THSD7A: variants seen among roughly 807,000 people sequenced by gnomAD.
THSD7A encodes thrombospondin type 1 domain containing 7A, also known as thrombospondin type-1 domain-containing protein 7A.
Under a neutral mutation model 231.3 loss-of-function variants are expected in THSD7A, and 96 were observed. That is an observed-to-expected ratio of 0.41 (90% confidence interval 0.35 to 0.49). The LOEUF (loss-of-function observed/expected upper bound fraction) is 0.49. THSD7A is among the 20% of genes least tolerant of loss of function. The probability of loss-of-function intolerance (pLI) is 0.05; values close to 1 mark genes in which losing one functional copy is unlikely to be tolerated. For synonymous variants in THSD7A, 940 were observed against 743.3 expected (o/e 1.26, Z -4.30); for missense variants, 2,290 against 2,070.2 (o/e 1.11, Z -2.06).
intron 9 of THSD7A, among the ~76,000 whole-genome samples, chr7:11,465,803 T>A (rs149367775): frequency 6.6e-6 from 1 of 152,290 alleles, no homozygotes; most frequent in African/African-American, 2.4e-5. Context: ...CAAACAGAAT[T>A]TGAGCAACCA....
chr7:11,527,580 A>G (rs942286290), intron 6 of THSD7A, among the ~76,000 whole-genome samples: 4 of 152,190 alleles, frequency 2.6e-5, no homozygotes, highest in Non-Finnish European at 5.9e-5. Context: ...GAAATCTTCC[A>G]TAGACAATTA....
chr7:11,639,188 T>G (rs2128362280), intron 1 of THSD7A, among the ~76,000 whole-genome samples: 1 of 152,314 alleles, frequency 6.6e-6, no homozygotes, highest in African/African-American at 2.4e-5. Flanking sequence ...GTAATTTAGT[T>G]GAACTTCCTG....
intron 4 of THSD7A, among the ~76,000 whole-genome samples, chr7:11,554,975 G>C (rs1789785682): frequency 6.6e-6 from 1 of 151,820 alleles, no homozygotes; most frequent in Non-Finnish European, 1.5e-5. Flanking sequence ...CCTGGTGTTG[G>C]TGATTTGTGT....
At chr7:11,621,583 G>A (rs1190549203) in intron 2 of THSD7A, among the ~76,000 whole-genome samples, 1 of 151,942 alleles carries the variant, frequency 6.6e-6, no homozygotes, top group Non-Finnish European at 1.5e-5. Flanking sequence ...CTAAGTCACA[G>A]AGTTTAGTCT....
In THSD7A at chr7:11,426,546, T is replaced by A. The variant is rs553743221; in HGVS notation, c.3249+120A>T. The A allele has an allele frequency of 1.3e-5, 14 of 1,102,050 alleles. No homozygotes were observed. The Admixed American group carries it at 4.0e-4, about 32-fold the overall frequency. The allele number at this position is 1,102,050 out of a possible 1,614,324, so 68.3% of individuals were successfully genotyped here. On this transcript the variant is annotated intron_variant, in intron 15 of 27. Coordinates refer to ENST00000423059, the MANE Select transcript of THSD7A (RefSeq NM_015204.3). ...GAAAAAAATTCTTTAATGGAAAATA[T>A]GACATTTTCTCCCTGTAAAACATAA...
At chr7:11,493,094 G>T in intron 6 of THSD7A, among the ~76,000 whole-genome samples, 1 of 152,054 alleles carries the variant, frequency 6.6e-6, no homozygotes, top group East Asian at 1.9e-4. Flanking sequence ...CTGTCTCAGC[G>T]TTATTAACAT....
At chr7:11,394,675 G>A (rs913486197) in intron 23 of THSD7A, among the ~76,000 whole-genome samples, 7 of 152,200 alleles carry the variant, frequency 4.6e-5, no homozygotes, top group Non-Finnish European at 8.8e-5. Context: ...CACAGATTGT[G>A]TTTGCTCCAG....
At chr7:11,452,790 CA>C (rs1339195026) in intron 11 of THSD7A, among the ~76,000 whole-genome samples, 2 of 151,886 alleles carry the variant, frequency 1.3e-5, no homozygotes, top group African/African-American at 4.8e-5. Context: ...AAACGAAACC[CA>C]AAACCCCAAA....
intron 1 of THSD7A, among the ~76,000 whole-genome samples, chr7:11,771,067 G>A (rs1783212367): frequency 6.6e-6 from 1 of 150,542 alleles, no homozygotes. Context: ...TTTTCTCATA[G>A]ATCAATTTTT....
chr7:11,432,758 C>T lies in THSD7A; in HGVS notation c.3065-3633G>A, dbSNP rs920527641. Among the ~76,000 whole-genome samples the T allele has an allele frequency of 3.9e-5, 6 of 152,096 alleles. 1 individual carries two copies. The East Asian group carries it at 5.8e-4, about 15-fold the overall frequency. ...GTTTTCAATATGGGGCCATTATTAA[C>T]AGTGCTGCTATGAATATTCTAGAAT... On this transcript the variant is annotated intron_variant, in intron 13 of 27. Coordinates refer to ENST00000423059, the MANE Select transcript of THSD7A (RefSeq NM_015204.3).
chr7:11,728,805 T>C (rs1781629597), intron 1 of THSD7A, among the ~76,000 whole-genome samples: 2 of 151,816 alleles, frequency 1.3e-5, no homozygotes, highest in South Asian at 2.1e-4. Flanking sequence ...TATTTTCTAA[T>C]AGTTTCAGGC....
rs540492039 is a variant in THSD7A at position 11,538,850 on chromosome 7, T to G, written c.1822+2569A>C. Among the ~76,000 whole-genome samples, 3 of 152,074 alleles carry G rather than the reference T, an allele frequency of 2.0e-5. 1 individual carries two copies. In the South Asian group the frequency reaches 6.2e-4, roughly 32 times the overall value. On this transcript the variant is annotated intron_variant, in intron 6 of 27. Transcript: ENST00000423059. Reference sequence around the variant, plus strand: ...CCTCCTTAGAAGGGAAATGGAAAAATGAACAGCAGCAGCAAATCTTAATGA... The same window carrying G: ...CCTCCTTAGAAGGGAAATGGAAAAAGGAACAGCAGCAGCAAATCTTAATGA...
chr7:11,585,878 C>T (rs990026404), intron 4 of THSD7A, among the ~76,000 whole-genome samples: 3 of 152,070 alleles, frequency 2.0e-5, no homozygotes, highest in Admixed American at 2.0e-4. Context: ...AAAACCCATG[C>T]AGACATGGGA....
chr7:11,666,074 T>C (rs1307957505), intron 1 of THSD7A, among the ~76,000 whole-genome samples: 1 of 152,038 alleles, frequency 6.6e-6, no homozygotes, highest in Non-Finnish European at 1.5e-5. Flanking sequence ...TTGTAAGAAA[T>C]AAATTAAAAT....
chr7:11,820,072 T>C (rs528928521), intron 1 of THSD7A, among the ~76,000 whole-genome samples: 20 of 152,044 alleles, frequency 1.3e-4, no homozygotes, highest in African/African-American at 4.8e-4. Flanking sequence ...GAAAAACAGC[T>C]AAAGCCCAAT....
chr7:11,645,573 A>C (rs13236165), intron 1 of THSD7A, among the ~76,000 whole-genome samples: 2 of 151,474 alleles, frequency 1.3e-5, no homozygotes, highest in African/African-American at 4.8e-5. Flanking sequence ...TATTTTTTCT[A>C]CACAGTTAGA....
At chr7:11,740,769 T>C (rs1469863956) in intron 1 of THSD7A, among the ~76,000 whole-genome samples, 1 of 151,994 alleles carries the variant, frequency 6.6e-6, no homozygotes, top group East Asian at 1.9e-4. Flanking sequence ...AGAAAGTATA[T>C]TGTGTGTGCA....
At position 11,636,220 on chromosome 7, in the gene THSD7A, C is replaced by T; in HGVS notation, c.932G>A (p.Arg311Lys). ...KKKRNRNRQN[R>K]QENKYWDIQI... is the part of the protein sequence containing the mutation. ...GATGTCCCAATATTTGTTCTCTTGT[C>T]TGTTCTGCCTGTTTCTGTTTCTCTT... The change falls in exon 2 of 28, where the codon AGA (arginine) becomes AAA (lysine). Residue 311 changes from arginine (R) to lysine (K), a missense_variant. Arg to Lys is a conservative substitution (Grantham distance 26). Coordinates refer to ENST00000423059, the MANE Select transcript of THSD7A (RefSeq NM_015204.3). The surrounding 1 kb of genome is among the most constrained non-coding windows in gnomAD (Gnocchi z 10.0). The T allele has an allele frequency of 1.9e-6, 3 of 1,614,040 alleles. No individual in the cohort carries two copies. Among genetic ancestry groups the T allele is most frequent in the Non-Finnish European group, 2.5e-6 (3 of 1,179,904 alleles).
At chr7:11,394,552 T>C (rs1337924587) in intron 23 of THSD7A, among the ~76,000 whole-genome samples, 2 of 151,736 alleles carry the variant, frequency 1.3e-5, no homozygotes, top group Non-Finnish European at 2.9e-5. Context: ...TACAAGGGAG[T>C]GTAGGGGAAT....
Sources: gnomAD v4.1 joint callset for allele counts (sites outside exome capture counted in the v4.1 genomes callset) on GRCh38, gnomAD v4.1.1 for gene constraint, Gnocchi (gnomAD v3.1) non-coding constraint, MANE v1.5 for transcripts, NCBI Gene and HGNC (gene_info 2026-07-23, HGNC 2026-07-21) for gene names.